Variants in INHBC observed in about 807,000 individuals in gnomAD.
INHBC encodes inhibin subunit beta C.
In INHBC, 10 loss-of-function variants were observed where a neutral mutation model predicts 12.4. The observed-to-expected ratio is 0.81, with a 90% CI of 0.50 to 1.37. The LOEUF is 1.37. Ranked by LOEUF, INHBC falls within the 40% of genes most tolerant of loss-of-function variation. INHBC has a pLI of 0.00. For synonymous variants in INHBC, 147 were observed against 171.6 expected, an observed-to-expected ratio of 0.86 and a Z score of 1.12; for missense variants, 382 against 439.4, an observed-to-expected ratio of 0.87 and a Z score of 1.17.
Position 57,449,006 on chromosome 12 carries a change from A to G in INHBC, c.314-271A>G, listed in dbSNP as rs12318999. Among the ~76,000 whole-genome samples, 1,318 of 152,278 alleles carry G rather than the reference A, an allele frequency of 8.7e-3. 17 individuals are homozygous for G. The highest frequency in any genetic ancestry group is 0.03 in the African/African-American group (1,231 of 41,542). ...GAGGGTGGGGCTGATAATTAAACTT[A>G]TCCTTTTATAAGGTACCCATTCCCA... On this transcript the variant is annotated intron_variant, in intron 1 of 1. Transcript: ENST00000309668.
chr12:57,437,135 C>T (rs1685292967), intron 1 of INHBC, among the ~76,000 whole-genome samples: 2 of 152,064 alleles, frequency 1.3e-5, no homozygotes, highest in South Asian at 4.1e-4. Context: ...CCTGCAGTCC[C>T]AGCTATTTGG....
At chr12:57,437,349 A>C (rs1399172580) in intron 1 of INHBC, among the ~76,000 whole-genome samples, 1 of 152,158 alleles carries the variant, frequency 6.6e-6, no homozygotes, top group East Asian at 1.9e-4. Flanking sequence ...TGAGCAGATC[A>C]GGAATTCTAA....
rs370631082 is a variant in INHBC at position 57,435,215 on chromosome 12, G to A, written c.313+16G>A. 8.8e-5 allele frequency: 141 copies of A among 1,593,510 alleles called. No individual in the cohort carries two copies. The highest frequency in any genetic ancestry group is 3.3e-4 in the Middle Eastern group (2 of 6,024). On this transcript the variant is annotated intron_variant, in intron 1 of 1. Coordinates refer to ENST00000309668, the MANE Select transcript of INHBC (RefSeq NM_005538.4). ...GCTGAGACAGGTGGGTTCCTGATCT[G>A]TAGCTCTTCCCCAGAACTTGACCCC...
At chr12:57,444,302 G>A (rs1870530270) in intron 1 of INHBC, among the ~76,000 whole-genome samples, 1 of 152,102 alleles carries the variant, frequency 6.6e-6, no homozygotes, top group Non-Finnish European at 1.5e-5. Flanking sequence ...CAGCACTTTG[G>A]GAGGCCGAGG....
Position 57,451,528 on chromosome 12 carries a change from A to T in INHBC, c.*1506A>T, listed in dbSNP as rs1870712925. Among the ~76,000 whole-genome samples the T allele has an allele frequency of 6.6e-6, 1 of 152,122 alleles. No homozygotes were observed. The highest frequency in any genetic ancestry group is 1.5e-5 in the Non-Finnish European group (1 of 68,026). ...CCCCACATCTCCTCCCTTTGGCTGGACAGTCCTGAACCATGAGGTCGATAA... is the reference window on the plus strand; with the variant it reads ...CCCCACATCTCCTCCCTTTGGCTGGTCAGTCCTGAACCATGAGGTCGATAA... On this transcript the variant is annotated 3_prime_UTR_variant, in exon 2 of 2. Coordinates refer to ENST00000309668, the MANE Select transcript of INHBC (RefSeq NM_005538.4).
chr12:57,439,337 C>G (rs1384176525), intron 1 of INHBC, among the ~76,000 whole-genome samples: 1 of 152,158 alleles, frequency 6.6e-6, no homozygotes, highest in Non-Finnish European at 1.5e-5. Flanking sequence ...CACTCCAAAC[C>G]CAGAATTCCC....
At position 57,434,840 on chromosome 12, in the gene INHBC, A is replaced by AC; in HGVS notation, c.-44dup. On this transcript the variant is annotated 5_prime_UTR_variant, in exon 1 of 2. Coordinates refer to ENST00000309668, the MANE Select transcript of INHBC (RefSeq NM_005538.4). The stretch of plus-strand genomic sequence containing the variant: ...CAGAGTTGAGACCACAGCTGTTGAG[A>AC]CCCTGAGCCCTGAGTCTGTATTGCT... The AC allele has an allele frequency of 6.5e-7, 1 of 1,541,594 alleles. No individual in the cohort carries two copies. The highest frequency in any genetic ancestry group is 8.8e-7 in the Non-Finnish European group (1 of 1,133,444).
intron 1 of INHBC, among the ~76,000 whole-genome samples, chr12:57,448,501 A>G (rs1870636277): frequency 6.6e-6 from 1 of 151,114 alleles, no homozygotes; most frequent in Non-Finnish European, 1.5e-5. Context: ...CCCAGGAGGC[A>G]GAGGTTGCAG....
chr12:57,448,080 G>A (rs11172222), intron 1 of INHBC, among the ~76,000 whole-genome samples: 67,022 of 149,826 alleles, frequency 0.45, 15,860 homozygotes, highest in Middle Eastern at 0.81. Flanking sequence ...CCAAGTAGCT[G>A]GGATTACAGG....
At chr12:57,437,705 T>C (rs561060419) in intron 1 of INHBC, among the ~76,000 whole-genome samples, 2 of 150,920 alleles carry the variant, frequency 1.3e-5, no homozygotes, top group East Asian at 3.9e-4. Flanking sequence ...AAAATGCCAA[T>C]TGAGCCCTTT....
In INHBC at chr12:57,449,439, A is replaced by G. The variant is rs764187298; in HGVS notation, c.476A>G (p.Asn159Ser). The G allele has an allele frequency of 1.2e-6, 2 of 1,614,136 alleles. No homozygotes were observed. Among genetic ancestry groups the G allele is most frequent in the South Asian group, 2.2e-5 (2 of 91,090 alleles). ...AGAGTCCTTGTGCTGGGTCCACATA[A>G]TACCAACCTCACCTTGGCTACTCAG... ...KVRVLVLGPH[N>S]TNLTLATQYL... Residue 159 changes from asparagine to serine, a missense_variant, in exon 2 of 2, where the codon AAT becomes AGT. Asn to Ser is a conservative substitution (Grantham distance 46). Coordinates refer to ENST00000309668, the MANE Select transcript of INHBC (RefSeq NM_005538.4).
At position 57,435,137 on chromosome 12, in the gene INHBC, AG is replaced by A. The variant is rs771581329; in HGVS notation, c.256del (p.Ala86HisfsTer3). 6.2e-7 allele frequency: 1 copy of A among 1,614,202 alleles called. No homozygotes were observed. The highest frequency in any genetic ancestry group is 8.5e-7 in the Non-Finnish European group (1 of 1,180,030). ...CTGCAGCACCTCCACGGGGTCCCAC[AG>A]GGGGCACTTCTAGAGGACAACAGGG... ...TALQHLHGVP[Q>X]GALLEDNREQ... On this transcript the variant is annotated frameshift_variant, in exon 1 of 2. Coordinates refer to ENST00000309668, the MANE Select transcript of INHBC (RefSeq NM_005538.4). LOFTEE classifies it high-confidence loss of function.
At chr12:57,440,804 C>T (rs1870447523) in intron 1 of INHBC, among the ~76,000 whole-genome samples, 1 of 152,194 alleles carries the variant, frequency 6.6e-6, no homozygotes, top group Admixed American at 6.5e-5. Context: ...ATACACAATA[C>T]AAGTTCCCCT....
chr12:57,437,670 C>G (rs1285268199), intron 1 of INHBC, among the ~76,000 whole-genome samples: 4 of 113,884 alleles, frequency 3.5e-5, no homozygotes, highest in African/African-American at 1.4e-4. Context: ...CACTCCGTCT[C>G]AAAAAAAAAA....
chr12:57,435,254 A>C, intron 1 of INHBC, 55 bp downstream of exon 1: 1 of 1,502,992 alleles, frequency 6.7e-7, no homozygotes. Context: ...AGGAAAGGAA[A>C]AGTTTCCTCG....
At chr12:57,449,233 G>GCC in intron 1 of INHBC, 44 bp from the exon 2 acceptor site, 1 of 1,564,782 alleles carries the variant, frequency 6.4e-7, no homozygotes, top group Non-Finnish European at 8.6e-7. Context: ...TGGTAGAACT[G>GCC]ACAGTCAGAA....
chr12:57,436,106 A>G (rs1312284531), intron 1 of INHBC, among the ~76,000 whole-genome samples: 1 of 151,522 alleles, frequency 6.6e-6, no homozygotes, highest in Non-Finnish European at 1.5e-5. Flanking sequence ...CAGCCTCCCA[A>G]AGTGCTGGGA....
chr12:57,436,377 C>T (rs567307095), intron 1 of INHBC, among the ~76,000 whole-genome samples: 1 of 151,176 alleles, frequency 6.6e-6, no homozygotes, highest in South Asian at 2.1e-4. Context: ...GTTGGCCACG[C>T]TGGTCTCGAA....
At chr12:57,439,044 T>C (rs1251322862) in intron 1 of INHBC, among the ~76,000 whole-genome samples, 1 of 152,218 alleles carries the variant, frequency 6.6e-6, no homozygotes, top group Non-Finnish European at 1.5e-5. Context: ...TCAGCCATGG[T>C]GGGCGAATTT....
Sources: allele counts gnomAD v4.1 joint callset (sites outside exome capture counted in the v4.1 genomes callset), GRCh38; gene constraint gnomAD v4.1.1; transcripts MANE v1.5; gene names NCBI Gene and HGNC (gene_info 2026-07-23, HGNC 2026-07-21).